Variants in SLC71A1 observed in about 807,000 individuals in gnomAD.
SLC71A1 encodes the protein solute carrier family 71 member 1, also known as hippocampus abundant gene transcript 1.
chr1:100,041,558 A>G, the SLC71A1 span, among the ~76,000 whole-genome samples: 1 of 152,256 alleles, frequency 6.6e-6, no homozygotes, highest in Non-Finnish European at 1.5e-5. Flanking sequence ...ATATTTAATC[A>G]TATACTGTAT....
At chr1:100,038,354 C>A in the SLC71A1 span, 3 of 1,525,390 alleles carry the variant, frequency 2.0e-6, no homozygotes, top group Non-Finnish European at 1.8e-6. Context: ...TCCCTCGGGG[C>A]CCCCATCCGG....
At chr1:100,077,299 T>C in the SLC71A1 span, 1 of 1,183,192 alleles carries the variant, frequency 8.5e-7, no homozygotes, top group Non-Finnish European at 1.2e-6. Context: ...TATTTTAATG[T>C]TAATATTTTT....
chr1:100,082,302 C>CT, the SLC71A1 span: 1 of 969,858 alleles, frequency 1.0e-6, no homozygotes, highest in Non-Finnish European at 1.6e-6. Flanking sequence ...CCACAGTGTA[C>CT]TTTAAGATTG....
the SLC71A1 span, among the ~76,000 whole-genome samples, chr1:100,063,149 T>C: frequency 6.6e-6 from 1 of 152,154 alleles, no homozygotes; most frequent in Non-Finnish European, 1.5e-5. Context: ...GTTGGTCGGT[T>C]GGTTGGTTGG....
the SLC71A1 span, among the ~76,000 whole-genome samples, chr1:100,065,596 TTCCCCTTTTCCCTTTCCTTTCCCC>T: frequency 1.4e-5 from 2 of 143,834 alleles, no homozygotes; most frequent in South Asian, 2.4e-4. Context: ...TTCCCTTCCC[TTCCCCTTTTCCCTTTCCTTTCCCC>T]TCCCCTTTTC....
At chr1:100,050,044 TCTC>T in the SLC71A1 span, 2 of 1,043,056 alleles carry the variant, frequency 1.9e-6, no homozygotes, top group Non-Finnish European at 3.0e-6. Flanking sequence ...GACTCCAAAA[TCTC>T]TTCTTCTTCA....
At chr1:100,048,121 G>T in the SLC71A1 span, among the ~76,000 whole-genome samples, 1 of 152,116 alleles carries the variant, frequency 6.6e-6, no homozygotes, top group African/African-American at 2.4e-5. Context: ...TTTCTGCTAG[G>T]GGCTGGGTAT....
the SLC71A1 span, among the ~76,000 whole-genome samples, chr1:100,076,717 T>C: frequency 6.6e-5 from 10 of 152,346 alleles, 1 homozygote; most frequent in South Asian, 2.1e-3. Context: ...AAAGGCATCA[T>C]GGTTTCAACA....
the SLC71A1 span, among the ~76,000 whole-genome samples, chr1:100,077,760 G>A: frequency 1.3e-5 from 2 of 152,208 alleles, no homozygotes; most frequent in Non-Finnish European, 2.9e-5. Flanking sequence ...GTTTCCTGCA[G>A]GGGACTTGAG....
the SLC71A1 span, among the ~76,000 whole-genome samples, chr1:100,075,444 A>C: frequency 6.6e-6 from 1 of 152,212 alleles, no homozygotes; most frequent in Admixed American, 6.5e-5. Flanking sequence ...GGATGTTCTT[A>C]AAAGTAGTTT....
chr1:100,042,529 A>G, the SLC71A1 span, among the ~76,000 whole-genome samples: 1 of 152,088 alleles, frequency 6.6e-6, no homozygotes, highest in Non-Finnish European at 1.5e-5. Context: ...GCCTTTGTAG[A>G]CCCAGAGAGC....
the SLC71A1 span, chr1:100,038,190 C>T: frequency 3.3e-6 from 5 of 1,524,242 alleles, no homozygotes; most frequent in Admixed American, 9.8e-5. Flanking sequence ...GGCCTGCCGC[C>T]CCGGGAGTGG....
At chr1:100,053,467 A>G in the SLC71A1 span, among the ~76,000 whole-genome samples, 227 of 152,366 alleles carry the variant, frequency 1.5e-3, no homozygotes, top group Non-Finnish European at 2.9e-3. Context: ...AATGAGGATG[A>G]AGACATAATT....
At chr1:100,069,629 C>G in the SLC71A1 span, 2 of 1,610,870 alleles carry the variant, frequency 1.2e-6, no homozygotes, top group South Asian at 1.1e-5. Context: ...GAAATTTTCA[C>G]CAGAAAGTGT....
chr1:100,081,843 C>T, the SLC71A1 span, among the ~76,000 whole-genome samples: 2 of 152,172 alleles, frequency 1.3e-5, no homozygotes, highest in Non-Finnish European at 2.9e-5. Context: ...GTGATAGTAT[C>T]TCTTTTCTCC....
At chr1:100,068,886 G>A in the SLC71A1 span, among the ~76,000 whole-genome samples, 2 of 152,152 alleles carry the variant, frequency 1.3e-5, no homozygotes, top group Non-Finnish European at 2.9e-5. Flanking sequence ...GGGAGGCTGA[G>A]GCAGGAGAAT....
chr1:100,056,638 C>T, the SLC71A1 span, among the ~76,000 whole-genome samples: 1 of 152,144 alleles, frequency 6.6e-6, no homozygotes, highest in Admixed American at 6.5e-5. Context: ...AATAGTGCTG[C>T]AGTAAATGTA....
chr1:100,082,528 T>A, the SLC71A1 span: 3 of 296,258 alleles, frequency 1.0e-5, no homozygotes, highest in Non-Finnish European at 1.9e-5. Flanking sequence ...CTGCTACCAT[T>A]TCCTTAAGGT....
chr1:100,058,397 T>C, the SLC71A1 span, among the ~76,000 whole-genome samples: 8 of 152,342 alleles, frequency 5.3e-5, no homozygotes, highest in East Asian at 1.3e-3. Context: ...TTAGACAAGA[T>C]GTTTAACCTC....
Sources: allele counts gnomAD v4.1 joint callset (sites outside exome capture counted in the v4.1 genomes callset), GRCh38; gene constraint gnomAD v4.1.1; transcripts MANE v1.5; gene names NCBI Gene and HGNC (gene_info 2026-07-23, HGNC 2026-07-21).